SDCCAG8: variants seen among roughly 807,000 people sequenced by gnomAD.
SDCCAG8 encodes serologically defined colon cancer antigen 8.
Under a neutral mutation model 101.8 loss-of-function variants are expected in SDCCAG8, and 74 were observed. That is an observed-to-expected ratio of 0.73 (90% confidence interval 0.60 to 0.88). SDCCAG8 has a LOEUF of 0.88. Ranked by LOEUF, SDCCAG8 falls within the 40% of genes least tolerant of loss-of-function variation. The pLI, the probability that SDCCAG8 is intolerant of heterozygous loss-of-function variation, is 0.00. For missense variants in SDCCAG8, 787 were observed against 822.6 expected, an observed-to-expected ratio of 0.96 and a Z score of 0.53; for synonymous variants, 281 against 292.9, an observed-to-expected ratio of 0.96 and a Z score of 0.41.
At chr1:243,418,989 A>G (rs919923510) in intron 15 of SDCCAG8, among the ~76,000 whole-genome samples, 2 of 152,164 alleles carry the variant, frequency 1.3e-5, no homozygotes, top group African/African-American at 4.8e-5. Flanking sequence ...CAAACAAACT[A>G]CTGACCTAGA....
chr1:243,374,078 A>C (rs371394155), intron 12 of SDCCAG8, among the ~76,000 whole-genome samples: 1 of 152,116 alleles, frequency 6.6e-6, no homozygotes, highest in Non-Finnish European at 1.5e-5. Context: ...TATGTAAAAA[A>C]GTGTCCGTAA....
chr1:243,336,203 A>C (rs1200999329), intron 10 of SDCCAG8, among the ~76,000 whole-genome samples: 1 of 152,184 alleles, frequency 6.6e-6, no homozygotes, highest in Non-Finnish European at 1.5e-5. Flanking sequence ...TATTTGAGAA[A>C]TTTCCAAACT....
chr1:243,281,756 A>G (rs573653200), intron 4 of SDCCAG8, among the ~76,000 whole-genome samples: 1 of 148,162 alleles, frequency 6.7e-6, no homozygotes, highest in Non-Finnish European at 1.5e-5. Flanking sequence ...CAGTCCTCCT[A>G]CCGCCTCCCT....
intron 13 of SDCCAG8, among the ~76,000 whole-genome samples, chr1:243,401,213 A>G (rs1365436556): frequency 6.6e-6 from 1 of 152,176 alleles, no homozygotes. Flanking sequence ...CTCAAATTAC[A>G]TTTCCTTCAA....
intron 8 of SDCCAG8, among the ~76,000 whole-genome samples, chr1:243,313,891 GT>G (rs1387475139): frequency 6.6e-6 from 1 of 152,328 alleles, no homozygotes; most frequent in Admixed American, 6.5e-5. Flanking sequence ...AGCACTGTTA[GT>G]CCCAGGGGAT....
At chr1:243,413,722 T>C (rs952855968) in intron 13 of SDCCAG8, among the ~76,000 whole-genome samples, 4 of 152,188 alleles carry the variant, frequency 2.6e-5, no homozygotes, top group Admixed American at 2.0e-4. Context: ...TTGTTAGGGG[T>C]TGCAGAGCCC....
chr1:243,457,174 T>C (rs2083827732), intron 16 of SDCCAG8, among the ~76,000 whole-genome samples: 1 of 152,244 alleles, frequency 6.6e-6, no homozygotes, highest in Non-Finnish European at 1.5e-5. Context: ...GATTATTTCA[T>C]ATTTTTTTCT....
intron 14 of SDCCAG8, among the ~76,000 whole-genome samples, chr1:243,417,352 T>G (rs1009984418): frequency 1.3e-5 from 2 of 152,218 alleles, no homozygotes; most frequent in Non-Finnish European, 2.9e-5. Context: ...CCTTTTGTCT[T>G]GTACACACAT....
At chr1:243,399,501 ATTAT>A (rs746212694) in intron 13 of SDCCAG8, among the ~76,000 whole-genome samples, 8 of 151,960 alleles carry the variant, frequency 5.3e-5, no homozygotes, top group African/African-American at 7.2e-5. Context: ...TTTTTTAATT[ATTAT>A]TTATTTATTT....
chr1:243,311,376 C>T (rs1490993481), intron 8 of SDCCAG8, among the ~76,000 whole-genome samples: 2 of 152,030 alleles, frequency 1.3e-5, no homozygotes, highest in Admixed American at 6.6e-5. Context: ...CTACATTTTT[C>T]CCCTTCGAGG....
intron 13 of SDCCAG8, among the ~76,000 whole-genome samples, chr1:243,400,927 C>T (rs1339593753): frequency 6.6e-6 from 1 of 152,154 alleles, no homozygotes; most frequent in Non-Finnish European, 1.5e-5. Context: ...TGGCAATATT[C>T]CTCCCTTTTA....
At chr1:243,325,378 G>T (rs1304200774) in intron 9 of SDCCAG8, among the ~76,000 whole-genome samples, 2 of 151,942 alleles carry the variant, frequency 1.3e-5, no homozygotes, top group African/African-American at 2.4e-5. Context: ...AAACACACTA[G>T]AATTTTTGCT....
chr1:243,413,481 C>T (rs2080331466), intron 13 of SDCCAG8, among the ~76,000 whole-genome samples: 1 of 152,164 alleles, frequency 6.6e-6, no homozygotes, highest in Non-Finnish European at 1.5e-5. Flanking sequence ...GCTGGGATTA[C>T]AGATGTGAGC....
chr1:243,459,815 G>T (rs374485250), intron 16 of SDCCAG8, among the ~76,000 whole-genome samples: 16 of 152,102 alleles, frequency 1.1e-4, no homozygotes, highest in East Asian at 3.9e-4. Flanking sequence ...ACATTGCCCA[G>T]GCTGGTCTTG....
rs867710245 is a variant in SDCCAG8, at chr1:243,267,222, G to A, written c.68-2883G>A. On this transcript the variant is annotated intron_variant, in intron 1 of 17. Transcript: ENST00000366541. ...CGCACCACTACACTGCAGCCTGGGC[G>A]ACAGAGCGAGACTCCGTCTTAAAAA... The A allele has an allele frequency of 2.2e-5, 4 of 179,456 alleles. No individual in the cohort carries two copies. In the Middle Eastern group the frequency reaches 7.9e-3, roughly 356 times the overall value. 11.1% of individuals were successfully genotyped at this position (179,456 alleles called of 1,614,324 possible).
intron 13 of SDCCAG8, among the ~76,000 whole-genome samples, chr1:243,380,556 A>G (rs550867324): frequency 6.6e-6 from 1 of 152,322 alleles, no homozygotes; most frequent in African/African-American, 2.4e-5. Flanking sequence ...ATCAATTTAT[A>G]GTGTTTGACA....
At position 243,337,944 on chromosome 1, in the gene SDCCAG8, A is replaced by C. The variant is rs576205440; in HGVS notation, c.1222-3095A>C. ...AGGGGATTTAATTATTATTAGAGAC[A>C]GGGTCTCACTGTGTCACATAGGCTG... On this transcript the variant is annotated intron_variant, in intron 10 of 17. Coordinates refer to ENST00000366541, the MANE Select transcript of SDCCAG8 (RefSeq NM_006642.5). 4.6e-5 allele frequency among the ~76,000 whole-genome samples: 7 copies of C among 152,276 alleles called. No individual in the cohort carries two copies. In the East Asian group the frequency reaches 1.4e-3, roughly 29 times the overall value.
chr1:243,418,183 G>A, intron 15 of SDCCAG8, 107 bp downstream of exon 15: 1 of 763,238 alleles, frequency 1.3e-6, no homozygotes, highest in South Asian at 1.5e-5. Context: ...GTCAAAATTA[G>A]GTATCTGCTG....
intron 13 of SDCCAG8, among the ~76,000 whole-genome samples, chr1:243,387,659 A>G (rs1293848163): frequency 6.6e-6 from 1 of 152,190 alleles, no homozygotes; most frequent in Non-Finnish European, 1.5e-5. Context: ...GGGGAGAGTG[A>G]TAGAGGCTGC....
Sources: gnomAD v4.1 joint callset for allele counts (sites outside exome capture counted in the v4.1 genomes callset) on GRCh38, gnomAD v4.1.1 for gene constraint, MANE v1.5 for transcripts, NCBI Gene and HGNC (gene_info 2026-07-23, HGNC 2026-07-21) for gene names.